The following ATP2B2 variants were observed in gnomAD, a reference collection of about 807,000 sequenced individuals.
ATP2B2 encodes the protein ATPase plasma membrane Ca2+ transporting 2.
ATP2B2 carries 15 observed loss-of-function variants against 120.0 expected under a neutral mutation model. The observed-to-expected ratio is 0.12, with a 90% CI of 0.08 to 0.19. The LOEUF (loss-of-function observed/expected upper bound fraction) is 0.19, where lower values mean the gene tolerates loss of function less well. Ranked by LOEUF, ATP2B2 falls within the 10% of genes least tolerant of loss-of-function variation. The pLI is 1.00. For synonymous variants in ATP2B2, 694 were observed against 700.3 expected (o/e 0.99, Z 0.14); for missense variants, 1,045 against 1,719.8 (o/e 0.61, Z 6.94).
Position 10,435,185 on chromosome 3 carries a change from G to A in ATP2B2, c.199+14160C>T, listed in dbSNP as rs146093478. ...TGGCATCTCCCACGTCAGGGCCTGA[G>A]CTGTTGACACAAGGTGGTCACCCCC... On this transcript the variant is annotated intron_variant, in intron 2 of 22. Coordinates refer to ENST00000360273, the MANE Select transcript of ATP2B2 (RefSeq NM_001001331.4). Among the ~76,000 whole-genome samples, 310 of 152,328 alleles carry A rather than the reference G, an allele frequency of 2.0e-3. 2 individuals are homozygous for A. The highest frequency in any genetic ancestry group is 7.1e-3 in the African/African-American group (297 of 41,578).
upstream of ATP2B2, among the ~76,000 whole-genome samples, chr3:10,507,709 C>T (rs764094557): frequency 1.4e-4 from 21 of 152,170 alleles, 1 homozygote; most frequent in Admixed American, 2.0e-4. Context: ...CTTCTGTGTC[C>T]GGCACACTTT....
At chr3:10,459,312 C>A (rs554926557) in intron 1 of ATP2B2, among the ~76,000 whole-genome samples, 32 of 152,366 alleles carry the variant, frequency 2.1e-4, no homozygotes, top group African/African-American at 7.7e-4. Context: ...AGTAAAGTCA[C>A]TAGCAGATCC....
chr3:10,481,521 C>T (rs1016977648), intron 1 of ATP2B2, among the ~76,000 whole-genome samples: 4 of 152,138 alleles, frequency 2.6e-5, no homozygotes, highest in Non-Finnish European at 4.4e-5. Context: ...ACGCTCTTCC[C>T]GCTGACTCTG....
At chr3:10,443,057 C>T (rs759870408) in intron 2 of ATP2B2, among the ~76,000 whole-genome samples, 1 of 152,212 alleles carries the variant, frequency 6.6e-6, no homozygotes, top group Non-Finnish European at 1.5e-5. Flanking sequence ...TCAGCCTGGA[C>T]GGTCCCAGCT....
At chr3:10,623,793 CT>C (rs2069615797) in intron 1 of ATP2B2, among the ~76,000 whole-genome samples, 1 of 152,198 alleles carries the variant, frequency 6.6e-6, no homozygotes, top group South Asian at 2.1e-4. Flanking sequence ...CCCAGGATTG[CT>C]TCAGCCCACG....
intron 2 of ATP2B2, among the ~76,000 whole-genome samples, chr3:10,436,923 C>T (rs1279131136): frequency 5.3e-5 from 8 of 152,180 alleles, no homozygotes; most frequent in Admixed American, 1.3e-4. Context: ...TCAGGACATA[C>T]GATGCTAAAC....
chr3:10,408,606 C>T (rs1575144691), intron 3 of ATP2B2, among the ~76,000 whole-genome samples: 1 of 152,340 alleles, frequency 6.6e-6, no homozygotes, highest in South Asian at 2.1e-4. Flanking sequence ...AAGGGCCAGA[C>T]AGACTCGGGT....
At chr3:10,527,477 C>A (rs1167253620) in intron 3 of ATP2B2, among the ~76,000 whole-genome samples, 1 of 152,216 alleles carries the variant, frequency 6.6e-6, no homozygotes, top group Non-Finnish European at 1.5e-5. Context: ...GGAGGGAGCA[C>A]TCCTATGGAG....
intron 1 of ATP2B2, among the ~76,000 whole-genome samples, chr3:10,629,280 C>T (rs531565991): frequency 5.0e-4 from 76 of 152,328 alleles, no homozygotes; most frequent in Middle Eastern, 3.4e-3. Context: ...CTGCGGGCAA[C>T]TGCCATTTTC....
At chr3:10,654,208 T>C (rs933053536) in intron 1 of ATP2B2, among the ~76,000 whole-genome samples, 2 of 152,152 alleles carry the variant, frequency 1.3e-5, no homozygotes, top group African/African-American at 2.4e-5. Flanking sequence ...GACTCGGAAC[T>C]TAAACCCTGG....
chr3:10,703,320 G>C (rs1266699422), intron 1 of ATP2B2, among the ~76,000 whole-genome samples: 1 of 152,180 alleles, frequency 6.6e-6, no homozygotes, highest in Non-Finnish European at 1.5e-5. Flanking sequence ...CTCTGTACCT[G>C]AGTGAAGCCT....
At chr3:10,367,700 C>T (rs2061105881) in intron 12 of ATP2B2, among the ~76,000 whole-genome samples, 1 of 152,134 alleles carries the variant, frequency 6.6e-6, no homozygotes, top group Admixed American at 6.5e-5. Context: ...ATCTGGGTTC[C>T]AATCCTGGCT....
intron 2 of ATP2B2, among the ~76,000 whole-genome samples, chr3:10,587,726 G>C (rs2068545379): frequency 1.4e-5 from 2 of 147,492 alleles, no homozygotes; most frequent in Non-Finnish European, 3.0e-5. Flanking sequence ...TAAGCTCCAA[G>C]AAAGCAAGTG....
intron 2 of ATP2B2, among the ~76,000 whole-genome samples, chr3:10,597,430 C>T (rs1001568768): frequency 9.2e-5 from 14 of 152,268 alleles, no homozygotes; most frequent in Admixed American, 4.6e-4. Flanking sequence ...GGACTTCCAT[C>T]GGCCCCTTCT....
intron 1 of ATP2B2, among the ~76,000 whole-genome samples, chr3:10,501,085 C>T (rs143936442): frequency 6.6e-6 from 1 of 152,340 alleles, no homozygotes; most frequent in Non-Finnish European, 1.5e-5. Flanking sequence ...TACCCAGGGA[C>T]CTCTGTTTCT....
rs1176233464 is a variant in ATP2B2, at chr3:10,606,910, CACAGAGAGAGAGAGAGAG to C, written c.-415+12989_-415+13006del. On this transcript the variant is annotated intron_variant, in intron 2 of 21. Transcript: ENST00000646379. ...ACACACACACACACACACACACACA[CACAGAGAGAGAGAGAGAG>C]AGAGAGAGAGGGAGAGGGAGAGGGG... Among the ~76,000 whole-genome samples, 410 of 46,044 alleles carry C rather than the reference CACAGAGAGAGAGAGAGAG, an allele frequency of 8.9e-3. 2 individuals carry two copies. Among genetic ancestry groups the C allele is most frequent in the Non-Finnish European group, 0.014 (301 of 22,158 alleles). The allele number at this position is 46,044 out of a possible 152,430, so 30.2% of individuals were successfully genotyped here. A position where few individuals can be genotyped will look rare whatever the true frequency, so the allele number is the denominator to read the frequency against.
At chr3:10,694,928 T>C (rs752397337) in intron 1 of ATP2B2, among the ~76,000 whole-genome samples, 6 of 152,036 alleles carry the variant, frequency 3.9e-5, no homozygotes, top group Non-Finnish European at 7.4e-5. Flanking sequence ...CCCTAATTAA[T>C]GGCTGGCCTG....
intron 1 of ATP2B2, among the ~76,000 whole-genome samples, chr3:10,641,706 T>A (rs571479956): frequency 6.6e-6 from 1 of 152,212 alleles, no homozygotes; most frequent in African/African-American, 2.4e-5. Context: ...GGGAGGGAGA[T>A]GTGCTGTGAA....
intron 2 of ATP2B2, among the ~76,000 whole-genome samples, chr3:10,417,884 C>A (rs917021462): frequency 6.6e-6 from 1 of 152,176 alleles, no homozygotes; most frequent in Non-Finnish European, 1.5e-5. Context: ...CTGAAGCATT[C>A]CTGGTTTGCT....
Sources: gnomAD v4.1 joint callset for allele counts (sites outside exome capture counted in the v4.1 genomes callset) on GRCh38, gnomAD v4.1.1 for gene constraint, MANE v1.5 for transcripts, NCBI Gene and HGNC (gene_info 2026-07-23, HGNC 2026-07-21) for gene names.